The following WDR1 variants were observed in gnomAD, a reference collection of about 807,000 sequenced individuals.
WDR1 encodes the protein WD repeat domain 1, also known as WD repeat-containing protein 1.
WDR1 carries 21 observed loss-of-function variants against 71.9 expected under a neutral mutation model. The observed-to-expected ratio is 0.29, with a 90% CI of 0.21 to 0.42. The LOEUF is 0.42. WDR1 is among the 10% of genes least tolerant of loss of function. The probability of loss-of-function intolerance (pLI) is 1.00; values close to 1 mark genes in which losing one functional copy is unlikely to be tolerated. For synonymous variants in WDR1, 424 were observed against 347.4 expected (o/e 1.22, Z -2.45); for missense variants, 696 against 824.5 (o/e 0.84, Z 1.91).
At chr4:10,113,108 A>G (rs1471613840) in intron 2 of WDR1, among the ~76,000 whole-genome samples, 1 of 152,196 alleles carries the variant, frequency 6.6e-6, no homozygotes, top group African/African-American at 2.4e-5. Context: ...GTATCCCAGG[A>G]CTTTGGGAGG....
At position 10,077,292 on chromosome 4, in the gene WDR1, G is replaced by A. The variant is rs758693552; in HGVS notation, c.1714+12C>T. The A allele has an allele frequency of 1.1e-5, 18 of 1,613,586 alleles. No homozygotes were observed. The highest frequency in any genetic ancestry group is 3.3e-5 in the Admixed American group (2 of 59,992). ...TGGGTGGTCCCTGCCAAGGCCTGGGGGCGGAAGTCACCTTGGATCTTGACT... is the reference window on the plus strand; with the variant it reads ...TGGGTGGTCCCTGCCAAGGCCTGGGAGCGGAAGTCACCTTGGATCTTGACT... On this transcript the variant is annotated intron_variant, in intron 14 of 14. Coordinates refer to ENST00000499869, the MANE Select transcript of WDR1 (RefSeq NM_017491.5).
rs1578424566 is a variant in WDR1, at chr4:10,087,587, G to C, written c.951+120C>G. ...CCACCAAAACCCCAAGGGCCAAGGA[G>C]GCCTGAGGACACCTCTCTAGCTTCC... On this transcript the variant is annotated intron_variant, in intron 8 of 14. Transcript: ENST00000499869. The C allele has an allele frequency of 5.3e-6, 5 of 951,120 alleles. No homozygotes were observed. The East Asian group carries it at 1.3e-4, about 25-fold the overall frequency. 58.9% of individuals were successfully genotyped at this position (951,120 alleles called of 1,614,324 possible).
chr4:10,114,791 T>C (rs1160362670), intron 2 of WDR1, among the ~76,000 whole-genome samples: 1 of 152,206 alleles, frequency 6.6e-6, no homozygotes, highest in East Asian at 1.9e-4. Context: ...AGCAAGTTGT[T>C]AGCACCTTCA....
intron 5 of WDR1, among the ~76,000 whole-genome samples, chr4:10,093,336 A>C (rs1712128378): frequency 6.6e-6 from 1 of 152,100 alleles, no homozygotes; most frequent in Non-Finnish European, 1.5e-5. Context: ...CACCCCACAC[A>C]AGCCCAGCAC....
chr4:10,093,238 C>T (rs1712120038), intron 5 of WDR1: 1 of 982,908 alleles, frequency 1.0e-6, no homozygotes, highest in Non-Finnish European at 1.4e-6. Flanking sequence ...ACCCTGTACA[C>T]AAGAGGACCA....
chr4:10,113,572 C>G (rs1422661216), intron 2 of WDR1, among the ~76,000 whole-genome samples: 1 of 149,484 alleles, frequency 6.7e-6, no homozygotes, highest in Non-Finnish European at 1.5e-5. Context: ...TCTTGTGTTT[C>G]AGCCACTCCA....
intron 8 of WDR1, among the ~76,000 whole-genome samples, chr4:10,084,866 T>C (rs182191922): frequency 1.5e-4 from 23 of 152,312 alleles, no homozygotes; most frequent in African/African-American, 5.1e-4. Flanking sequence ...ACACGTGGCC[T>C]GCACCCCGCC....
At chr4:10,101,362 G>T (rs1391789934) in intron 3 of WDR1, among the ~76,000 whole-genome samples, 1 of 152,206 alleles carries the variant, frequency 6.6e-6, no homozygotes, top group East Asian at 1.9e-4. Context: ...CCACTTAGTG[G>T]GCCAGCACGG....
chr4:10,114,119 T>A lies in WDR1; in HGVS notation c.138+1994A>T, dbSNP rs112609763. On this transcript the variant is annotated intron_variant, in intron 2 of 14. Transcript: ENST00000499869. ...TGAGTACCCAGTCCACCCATCCAAC[T>A]AACAAGAGACTCAGTGCCTGATCTA... Among the ~76,000 whole-genome samples, 374 of 152,210 alleles carry A rather than the reference T, an allele frequency of 2.5e-3. 1 individual carries two copies. Among genetic ancestry groups the A allele is most frequent in the African/African-American group, 8.6e-3 (356 of 41,516 alleles).
intron 10 of WDR1, among the ~76,000 whole-genome samples, chr4:10,082,395 G>A (rs1483655375): frequency 6.6e-6 from 1 of 152,164 alleles, no homozygotes; most frequent in African/African-American, 2.4e-5. Flanking sequence ...CCAGAGGAGG[G>A]GTCAGACCTG....
chr4:10,114,278 T>C (rs185865855), intron 2 of WDR1, among the ~76,000 whole-genome samples: 6 of 152,252 alleles, frequency 3.9e-5, no homozygotes, highest in East Asian at 1.9e-4. Flanking sequence ...GGGGTAAGAA[T>C]ACAGAGCTCA....
Position 10,078,997 on chromosome 4 carries a change from A to G in WDR1, c.1289T>C (p.Val430Ala). 6.2e-7 allele frequency: 1 copy of G among 1,603,100 alleles called. No homozygotes were observed. The highest frequency in any genetic ancestry group is 8.5e-7 in the Non-Finnish European group (1 of 1,173,694). Residue 430 changes from valine to alanine, a missense_variant, in exon 12 of 15, where the codon GTC becomes GCC. Physicochemically the swap from Val to Ala is moderately conservative, Grantham distance 64. Transcript: ENST00000499869. ...GCACTTCCTCTGATCCTTCAGCAGGACAATCTGTGGCACACACAGGCAGCT... is the reference window on the plus strand; with the variant it reads ...GCACTTCCTCTGATCCTTCAGCAGGGCAATCTGTGGCACACACAGGCAGCT... ...YAVVVCIGQIVLLKDQRKCFS... is the reference protein window; with the variant it reads ...YAVVVCIGQIALLKDQRKCFS...
chr4:10,087,921 C>G lies in WDR1; in HGVS notation c.737G>C (p.Ser246Thr). Reference protein sequence around the residue: ...GIYAISWSPDSTHLLSASGDK... With the variant: ...GIYAISWSPDTTHLLSASGDK... Reference sequence around the variant, plus strand: ...CCCAGAAGCAGAAAGCAAATGGGTGCTGTCGGGACTCCAACTAATCTATTC... The same window carrying G: ...CCCAGAAGCAGAAAGCAAATGGGTGGTGTCGGGACTCCAACTAATCTATTC... Residue 246 changes from serine to threonine, a missense_variant, in exon 8 of 15, where the codon AGC (serine) becomes ACC (threonine). Transcript: ENST00000499869. 1.3e-6 allele frequency: 2 copies of G among 1,555,600 alleles called. No homozygotes were observed. The highest frequency in any genetic ancestry group is 1.7e-6 in the Non-Finnish European group (2 of 1,148,856).
rs914115628 is a variant in WDR1, at chr4:10,088,318, T to C, written c.692A>G (p.Lys231Arg). Residue 231 changes from lysine (K) to arginine (R), a missense_variant, in exon 7 of 15, where the codon AAG becomes AGG. Physicochemically the swap from Lys to Arg is conservative, Grantham distance 26. Coordinates refer to ENST00000499869, the MANE Select transcript of WDR1 (RefSeq NM_017491.5). The stretch of plus-strand genomic sequence containing the variant: ...TGCGTAAATCCCACCGTCGTGGGCC[T>C]TGCTTCCGCCCAGCGCGCACACCTT... The part of the protein sequence containing the change: ...GEKVCALGGS[K>R]AHDGGIYAIS... 6.4e-7 allele frequency: 1 copy of C among 1,557,302 alleles called. No homozygotes were observed.
At chr4:10,114,611 G>A (rs1467799363) in intron 2 of WDR1, among the ~76,000 whole-genome samples, 1 of 152,236 alleles carries the variant, frequency 6.6e-6, no homozygotes, top group Non-Finnish European at 1.5e-5. Context: ...CGTGTTAGTG[G>A]ATTTTATTTG....
chr4:10,099,992 G>A (rs766766807), intron 3 of WDR1, among the ~76,000 whole-genome samples: 121 of 152,242 alleles, frequency 7.9e-4, no homozygotes, highest in Middle Eastern at 3.4e-3. Flanking sequence ...TCCCAATCCC[G>A]ACACACCCTC....
intron 2 of WDR1, among the ~76,000 whole-genome samples, chr4:10,108,806 C>T (rs886902838): frequency 6.6e-6 from 1 of 152,220 alleles, no homozygotes; most frequent in Non-Finnish European, 1.5e-5. Context: ...TCCAAGCAGC[C>T]TTCCCTGATG....
intron 1 of WDR1, 107 bp from the exon 2 acceptor site, chr4:10,116,341 C>A (rs758652529): frequency 3.4e-6 from 5 of 1,487,714 alleles, no homozygotes; most frequent in Admixed American, 2.0e-5. Flanking sequence ...CTGTTGACTG[C>A]GCCGGGAGGG....
intron 1 of WDR1, 96 bp from the exon 2 acceptor site, chr4:10,116,330 C>G (rs766237359): frequency 1.3e-6 from 2 of 1,530,650 alleles, no homozygotes; most frequent in Non-Finnish European, 8.9e-7. Flanking sequence ...CGGCCGGTCA[C>G]CTGTTGACTG....
Sources: allele counts gnomAD v4.1 joint callset (sites outside exome capture counted in the v4.1 genomes callset), GRCh38; gene constraint gnomAD v4.1.1; transcripts MANE v1.5; gene names NCBI Gene and HGNC (gene_info 2026-07-23, HGNC 2026-07-21).